Variants in SUDS3 observed in about 807,000 individuals in gnomAD.
SUDS3 encodes sin3 histone deacetylase corepressor complex component SDS3.
Under a neutral mutation model 53.5 loss-of-function variants are expected in SUDS3, and 23 were observed. The observed-to-expected ratio is 0.43, with a 90% CI of 0.31 to 0.61. The LOEUF is 0.61. Ranked by LOEUF, SUDS3 falls within the 20% of genes least tolerant of loss-of-function variation. SUDS3 has a pLI of 0.10. For missense variants in SUDS3, 291 were observed against 405.9 expected (o/e 0.72, Z 2.43); for synonymous variants, 150 against 148.5 (o/e 1.01, Z -0.08).
intron 7 of SUDS3, 60 bp from the exon 8 acceptor site, chr12:118,401,699 G>T: frequency 7.4e-7 from 1 of 1,360,160 alleles, no homozygotes; most frequent in Non-Finnish European, 1.0e-6. Context: ...GTACCATTGT[G>T]TTGATTACTC....
Position 118,380,239 on chromosome 12 carries a change from T to C in SUDS3, c.212+8T>C, listed in dbSNP as rs889068689. ...TGTAGAAATGAAGGAACAGTGAGTATGATATGCCTATGTCTTTTTGGAACA... is the reference window on the plus strand; with the variant it reads ...TGTAGAAATGAAGGAACAGTGAGTACGATATGCCTATGTCTTTTTGGAACA... On this transcript the variant is annotated splice_region_variant and intron_variant, in intron 2 of 11. Coordinates refer to ENST00000543473, the MANE Select transcript of SUDS3 (RefSeq NM_022491.3). The C allele has an allele frequency of 1.9e-6, 3 of 1,599,780 alleles. No individual in the cohort carries two copies. The highest frequency in any genetic ancestry group is 2.6e-6 in the Non-Finnish European group (3 of 1,172,292).
intron 2 of SUDS3, 61 bp downstream of exon 2, chr12:118,380,292 T>G (rs2046044889): frequency 7.1e-7 from 1 of 1,415,464 alleles, no homozygotes; most frequent in Non-Finnish European, 9.7e-7. Context: ...TTATATAGAT[T>G]GAGCATCCCA....
At chr12:118,389,785 A>G (rs1179272494) in intron 4 of SUDS3, 142 bp from the exon 5 acceptor site, 36 of 971,388 alleles carry the variant, frequency 3.7e-5, no homozygotes, top group Non-Finnish European at 5.2e-5. Context: ...CCCTTCGTGT[A>G]TATCAACATT....
intron 1 of SUDS3, among the ~76,000 whole-genome samples, chr12:118,377,111 G>C (rs538888738): frequency 3.7e-4 from 57 of 152,204 alleles, no homozygotes; most frequent in Non-Finnish European, 6.9e-4. Context: ...AGCCGTTTCT[G>C]ATTGAACCTC....
chr12:118,380,598 C>T (rs2046048088), intron 2 of SUDS3, among the ~76,000 whole-genome samples: 1 of 152,210 alleles, frequency 6.6e-6, no homozygotes, highest in Non-Finnish European at 1.5e-5. Context: ...TACATTTAAT[C>T]AGTCTTCCCG....
intron 10 of SUDS3, among the ~76,000 whole-genome samples, 187 bp from the exon 11 acceptor site, chr12:118,410,886 C>T (rs570047895): frequency 7.2e-4 from 110 of 152,136 alleles, no homozygotes; most frequent in African/African-American, 2.4e-3. Context: ...CTTGAGCCAC[C>T]GCGCCTGGCC....
At chr12:118,409,437 G>A (rs563273263) in intron 10 of SUDS3, among the ~76,000 whole-genome samples, 9 of 152,170 alleles carry the variant, frequency 5.9e-5, no homozygotes, top group Non-Finnish European at 1.0e-4. Flanking sequence ...GAGCCACCAC[G>A]CCCGGCCTAA....
intron 4 of SUDS3, among the ~76,000 whole-genome samples, chr12:118,388,270 G>A (rs2046132722): frequency 6.6e-6 from 1 of 152,124 alleles, no homozygotes; most frequent in Admixed American, 6.5e-5. Context: ...TTAACATCTG[G>A]GCTTTTAATC....
intron 2 of SUDS3, among the ~76,000 whole-genome samples, chr12:118,383,166 C>G (rs1021813587): frequency 1.3e-5 from 2 of 152,194 alleles, no homozygotes; most frequent in African/African-American, 4.8e-5. Flanking sequence ...AAAAGGTTAT[C>G]ACGCCCATGT....
In SUDS3 at chr12:118,402,408, G is replaced by A. The variant is rs2046271201; in HGVS notation, c.697+404G>A. On this transcript the variant is annotated intron_variant, in intron 9 of 11. Coordinates refer to ENST00000543473, the MANE Select transcript of SUDS3 (RefSeq NM_022491.3). ...CGTGGCTTTTCGTGGCCTGACTCTG[G>A]TAAGGCATTCCAAGGCTGCTCTGAC... 7.4e-5 allele frequency: 16 copies of A among 214,992 alleles called. No individual in the cohort carries two copies. In the South Asian group the frequency reaches 1.4e-3, roughly 18 times the overall value. 13.3% of individuals were successfully genotyped at this position (214,992 alleles called of 1,614,324 possible).
At position 118,410,751 on chromosome 12, in the gene SUDS3, C is replaced by T. The variant is rs532110051; in HGVS notation, c.804-322C>T. Among the ~76,000 whole-genome samples the T allele has an allele frequency of 7.2e-5, 11 of 152,094 alleles. No individual in the cohort carries two copies. The South Asian group carries it at 2.3e-3, about 32-fold the overall frequency. The stretch of plus-strand genomic sequence containing the variant: ...AGCTGGGACTATAGGCACCTGCCAC[C>T]ATGCCCGGCTACTTTTTTTGTATTT... On this transcript the variant is annotated intron_variant, in intron 10 of 11. Coordinates refer to ENST00000543473, the MANE Select transcript of SUDS3 (RefSeq NM_022491.3).
At chr12:118,409,202 C>T (rs1325801600) in intron 10 of SUDS3, among the ~76,000 whole-genome samples, 2 of 150,628 alleles carry the variant, frequency 1.3e-5, no homozygotes, top group Admixed American at 1.3e-4. Context: ...GGCTGGAGTG[C>T]AGTGGCATGA....
chr12:118,395,420 G>T (rs1462846096), intron 6 of SUDS3, among the ~76,000 whole-genome samples: 2 of 151,552 alleles, frequency 1.3e-5, no homozygotes, highest in Non-Finnish European at 2.9e-5. Context: ...TAGTGATGGG[G>T]TTTCACTGTG....
chr12:118,397,810 C>T lies in SUDS3; in HGVS notation c.518-2849C>T, dbSNP rs554257293. 1.2e-3 allele frequency among the ~76,000 whole-genome samples: 183 copies of T among 151,996 alleles called. 2 individuals carry two copies. Among genetic ancestry groups the T allele is most frequent in the Non-Finnish European group, 7.4e-4 (50 of 67,990 alleles). ...AGTTATGATTTTCAGAGTTCAGTGG[C>T]CGTGATTGGCCTTTACTTGGCTTAC... On this transcript the variant is annotated intron_variant, in intron 6 of 11. Coordinates refer to ENST00000543473, the MANE Select transcript of SUDS3 (RefSeq NM_022491.3).
chr12:118,390,000 G>A (rs878932421), intron 5 of SUDS3, 54 bp downstream of exon 5: 1 of 1,607,682 alleles, frequency 6.2e-7, no homozygotes, highest in South Asian at 1.1e-5. Context: ...CTGGAATCTT[G>A]CAGTCCTGAT....
chr12:118,379,271 T>C (rs543814764), intron 1 of SUDS3, among the ~76,000 whole-genome samples: 2 of 152,122 alleles, frequency 1.3e-5, no homozygotes, highest in South Asian at 4.2e-4. Flanking sequence ...ACCTCATCTC[T>C]ACTAAAAATA....
chr12:118,406,948 A>T (rs1235218897), intron 10 of SUDS3, among the ~76,000 whole-genome samples: 7 of 147,454 alleles, frequency 4.7e-5, no homozygotes, highest in Non-Finnish European at 8.9e-5. Context: ...CCAGGCTGGC[A>T]TGCAGTGGTG....
At chr12:118,383,915 C>A in intron 2 of SUDS3, 97 bp from the exon 3 acceptor site, 1 of 1,117,350 alleles carries the variant, frequency 8.9e-7, no homozygotes, top group South Asian at 1.5e-5. Context: ...CATTAATGAC[C>A]TTCCCATAAC....
chr12:118,410,300 G>A lies in SUDS3; in HGVS notation c.804-773G>A, dbSNP rs556585838. Among the ~76,000 whole-genome samples the A allele has an allele frequency of 2.9e-4, 44 of 152,258 alleles. 1 individual carries two copies. The South Asian group carries it at 7.5e-3, about 26-fold the overall frequency. On this transcript the variant is annotated intron_variant, in intron 10 of 11. Coordinates refer to ENST00000543473, the MANE Select transcript of SUDS3 (RefSeq NM_022491.3). ...CTTGGACAAATAGAAAATAAATAAC[G>A]GTGGCTTATGCCTGTATATTTTGTC... is the stretch of plus-strand genomic sequence containing the variant.
Sources: gnomAD v4.1 joint callset for allele counts (sites outside exome capture counted in the v4.1 genomes callset) on GRCh38, gnomAD v4.1.1 for gene constraint, MANE v1.5 for transcripts, NCBI Gene and HGNC (gene_info 2026-07-23, HGNC 2026-07-21) for gene names.